Variants in PIK3C2G observed in about 807,000 individuals in gnomAD.
The protein encoded by PIK3C2G is phosphatidylinositol 3-kinase C2 domain-containing subunit gamma.
Under a neutral mutation model 181.1 loss-of-function variants are expected in PIK3C2G, and 168 were observed. The ratio of observed to expected loss-of-function variants is 0.93; its 90% CI spans 0.82 to 1.05. The LOEUF (loss-of-function observed/expected upper bound fraction) is 1.05. Ranked by LOEUF, PIK3C2G falls within the 50% of genes least tolerant of loss-of-function variation. The pLI, the probability that PIK3C2G is intolerant of heterozygous loss-of-function variation, is 0.00. For synonymous variants in PIK3C2G, 573 were observed against 592.2 expected, an observed-to-expected ratio of 0.97 and a Z score of 0.47; for missense variants, 1,869 against 1,732.8, an observed-to-expected ratio of 1.08 and a Z score of -1.40.
At chr12:18,373,416 T>C (rs1942212044) in intron 13 of PIK3C2G, among the ~76,000 whole-genome samples, 1 of 152,190 alleles carries the variant, frequency 6.6e-6, no homozygotes, top group South Asian at 2.1e-4. Flanking sequence ...TCCTATCGCT[T>C]TGTGGTTTCC....
intron 13 of PIK3C2G, among the ~76,000 whole-genome samples, chr12:18,376,817 G>T (rs533350076): frequency 7.2e-5 from 11 of 152,224 alleles, no homozygotes; most frequent in Middle Eastern, 3.4e-3. Context: ...TTCAAAGCTT[G>T]CTCCTGCTCT....
At chr12:18,351,216 A>C (rs2137699576) in intron 11 of PIK3C2G, among the ~76,000 whole-genome samples, 1 of 152,144 alleles carries the variant, frequency 6.6e-6, no homozygotes, top group South Asian at 2.1e-4. Flanking sequence ...AAACATTATA[A>C]CTTAAAGGTA....
At chr12:18,650,619 C>T (rs1202715803), downstream of PIK3C2G, among the ~76,000 whole-genome samples, 1 of 144,276 alleles carries the variant, frequency 6.9e-6, no homozygotes, top group Non-Finnish European at 1.5e-5. Flanking sequence ...TACGGGCTCA[C>T]TTGAAATACA....
intron 13 of PIK3C2G, among the ~76,000 whole-genome samples, chr12:18,380,093 C>T (rs773551415): frequency 2.0e-5 from 3 of 152,218 alleles, no homozygotes; most frequent in Non-Finnish European, 2.9e-5. Context: ...AGAAGAGGAG[C>T]GCCTCTGCCT....
intron 5 of PIK3C2G, among the ~76,000 whole-genome samples, chr12:18,301,127 C>G (rs1410849211): frequency 6.6e-6 from 1 of 152,068 alleles, no homozygotes; most frequent in Non-Finnish European, 1.5e-5. Flanking sequence ...TTCCCTTGCT[C>G]TTTTTACAAT....
intron 23 of PIK3C2G, 78 bp from the exon 24 acceptor site, chr12:18,505,214 T>C: frequency 8.0e-7 from 1 of 1,253,186 alleles, no homozygotes; most frequent in Non-Finnish European, 1.1e-6. Flanking sequence ...TCATTTACTT[T>C]TTATGATTAC....
intron 31 of PIK3C2G, among the ~76,000 whole-genome samples, chr12:18,638,987 T>C (rs1591739303): frequency 1.3e-5 from 2 of 151,102 alleles, no homozygotes; most frequent in African/African-American, 4.9e-5. Context: ...CTCCCAAATA[T>C]TAATAGCAAC....
At chr12:18,577,563 T>A (rs1946296476) in intron 29 of PIK3C2G, among the ~76,000 whole-genome samples, 1 of 152,194 alleles carries the variant, frequency 6.6e-6, no homozygotes, top group African/African-American at 2.4e-5. Flanking sequence ...AAACATGAAG[T>A]ACTGTTGTGA....
chr12:18,674,485 G>C, the PIK3C2G span, among the ~76,000 whole-genome samples: 2 of 152,144 alleles, frequency 1.3e-5, no homozygotes, highest in South Asian at 4.2e-4. Flanking sequence ...GAATTTTTTG[G>C]ACAAATAAAT....
rs889312316 is a variant in PIK3C2G at position 18,520,002 on chromosome 12, TAA to T, written c.3323+14564_3323+14565del. On this transcript the variant is annotated intron_variant, in intron 24 of 32. Transcript: ENST00000538779. ...ACACCCAAGAATGATCAATAAATACTAAAAAAAAAAAAAAAAAAAAAAAAGAA... is the reference window on the plus strand; with the variant it reads ...ACACCCAAGAATGATCAATAAATACTAAAAAAAAAAAAAAAAAAAAAAGAA... Among the ~76,000 whole-genome samples the T allele has an allele frequency of 1.3e-3, 61 of 46,318 alleles. 1 individual carries two copies. The highest frequency in any genetic ancestry group is 4.1e-3 in the African/African-American group (50 of 12,224). 30.4% of individuals were successfully genotyped at this position (46,318 alleles called of 152,430 possible). A position where few individuals can be genotyped will look rare whatever the true frequency, so the allele number is the denominator to read the frequency against.
intron 5 of PIK3C2G, among the ~76,000 whole-genome samples, chr12:18,305,346 A>G (rs1156273299): frequency 6.6e-6 from 1 of 152,142 alleles, no homozygotes; most frequent in African/African-American, 2.4e-5. Context: ...AGTTTTTTAA[A>G]AAGCTGAATT....
intron 26 of PIK3C2G, among the ~76,000 whole-genome samples, chr12:18,554,501 G>A (rs991857339): frequency 2.6e-5 from 4 of 151,452 alleles, no homozygotes; most frequent in Non-Finnish European, 4.4e-5. Context: ...ACATACATGT[G>A]CAACCAAAAT....
chr12:18,554,019 T>C (rs763093609), intron 26 of PIK3C2G, among the ~76,000 whole-genome samples: 1 of 151,990 alleles, frequency 6.6e-6, no homozygotes, highest in Non-Finnish European at 1.5e-5. Context: ...AGCAATTGAG[T>C]CTCCTGAAGT....
At chr12:18,703,465 C>T in the PIK3C2G span, among the ~76,000 whole-genome samples, 5 of 152,142 alleles carry the variant, frequency 3.3e-5, no homozygotes, top group Non-Finnish European at 5.9e-5. Flanking sequence ...TGTTTTTCTT[C>T]GATGGTGCAT....
rs1024708700 is a variant in PIK3C2G at position 18,280,810 on chromosome 12, C to T, written c.-78-1194C>T. Reference sequence around the variant, plus strand: ...GAGTCCCAGAGTCAATACAATATTTCAAGTGAAAATATGAAAGCTTTAAAT... The same window carrying T: ...GAGTCCCAGAGTCAATACAATATTTTAAGTGAAAATATGAAAGCTTTAAAT... On this transcript the variant is annotated intron_variant, in intron 1 of 32. Transcript: ENST00000538779. 3.9e-5 allele frequency among the ~76,000 whole-genome samples: 6 copies of T among 151,974 alleles called. No homozygotes were observed. In the South Asian group the frequency reaches 1.2e-3, roughly 32 times the overall value.
chr12:18,629,617 C>T (rs560267444), intron 31 of PIK3C2G, among the ~76,000 whole-genome samples: 15 of 152,058 alleles, frequency 9.9e-5, no homozygotes, highest in Admixed American at 8.5e-4. Flanking sequence ...GGGTAGTTGG[C>T]GTGTAATTGC....
upstream of PIK3C2G, among the ~76,000 whole-genome samples, chr12:18,246,804 C>A (rs1165143585): frequency 1.3e-5 from 2 of 152,172 alleles, no homozygotes; most frequent in Admixed American, 6.5e-5. Flanking sequence ...AGGTCTAGGA[C>A]AACCTCTCCT....
At chr12:18,519,768 T>C (rs1233469644) in intron 24 of PIK3C2G, among the ~76,000 whole-genome samples, 1 of 151,990 alleles carries the variant, frequency 6.6e-6, no homozygotes, top group Non-Finnish European at 1.5e-5. Flanking sequence ...CATGATGCTA[T>C]CTGGTTATTT....
chr12:18,452,469 A>C (rs1947415508), intron 18 of PIK3C2G, among the ~76,000 whole-genome samples: 1 of 151,060 alleles, frequency 6.6e-6, no homozygotes, highest in African/African-American at 2.4e-5. Context: ...CTTCTTTATT[A>C]ATCTGGCTAG....
Sources: gnomAD v4.1 joint callset for allele counts (sites outside exome capture counted in the v4.1 genomes callset) on GRCh38, gnomAD v4.1.1 for gene constraint, MANE v1.5 for transcripts, NCBI Gene and HGNC (gene_info 2026-07-23, HGNC 2026-07-21) for gene names.